The following TENM3 variants were observed in gnomAD, a reference collection of about 807,000 sequenced individuals.
TENM3 encodes teneurin transmembrane protein 3, also known as teneurin-3.
TENM3 carries 63 observed loss-of-function variants against 255.1 expected under a neutral mutation model. The ratio of observed to expected loss-of-function variants is 0.25; its 90% CI spans 0.20 to 0.30. The LOEUF (loss-of-function observed/expected upper bound fraction) is 0.30, where lower values mean the gene tolerates loss of function less well. TENM3 is among the 10% of genes least tolerant of loss of function. TENM3 has a pLI of 1.00. For missense variants in TENM3, 2,929 were observed against 3,461.1 expected (o/e 0.85, Z 3.86); for synonymous variants, 1,306 against 1,322.3 (o/e 0.99, Z 0.27).
chr4:182,292,169 T>C (rs1351180716), intron 1 of TENM3, among the ~76,000 whole-genome samples: 3 of 152,180 alleles, frequency 2.0e-5, no homozygotes, highest in Admixed American at 1.3e-4. Context: ...AATATGATGC[T>C]ATAAAGATTT....
At chr4:182,246,357 G>A (rs1481387519) in intron 1 of TENM3, among the ~76,000 whole-genome samples, 3 of 50,568 alleles carry the variant, frequency 5.9e-5, no homozygotes, top group East Asian at 7.1e-4. Flanking sequence ...CCCCACCCCC[G>A]CCCCTCAGGA....
chr4:182,736,587 A>G (rs998785039), intron 16 of TENM3, among the ~76,000 whole-genome samples: 1 of 152,204 alleles, frequency 6.6e-6, no homozygotes, highest in East Asian at 1.9e-4. Flanking sequence ...ATTATTGAAT[A>G]AGATAACAGC....
At chr4:182,316,133 G>A (rs1762736540) in intron 1 of TENM3, among the ~76,000 whole-genome samples, 1 of 152,034 alleles carries the variant, frequency 6.6e-6, no homozygotes, top group African/African-American at 2.4e-5. Flanking sequence ...TGTCAACCAT[G>A]GTGGATTTTA....
intron 4 of TENM3, among the ~76,000 whole-genome samples, chr4:182,611,236 T>C (rs1398834245): frequency 6.6e-6 from 1 of 152,094 alleles, no homozygotes; most frequent in Non-Finnish European, 1.5e-5. Context: ...CCCAAATATG[T>C]GTATTTATTA....
At chr4:182,271,377 C>G (rs562772129) in intron 1 of TENM3, among the ~76,000 whole-genome samples, 1 of 152,242 alleles carries the variant, frequency 6.6e-6, no homozygotes, top group South Asian at 2.1e-4. Flanking sequence ...GCATAGGAAA[C>G]AAAAGCTCTT....
chr4:182,623,112 G>T (rs545303823), intron 4 of TENM3, among the ~76,000 whole-genome samples: 1 of 149,648 alleles, frequency 6.7e-6, no homozygotes, highest in African/African-American at 2.5e-5. Context: ...CCAGGTTCAC[G>T]CCATTCTCCT....
At chr4:182,107,382 G>C in the TENM3 span, among the ~76,000 whole-genome samples, 1 of 152,176 alleles carries the variant, frequency 6.6e-6, no homozygotes, top group African/African-American at 2.4e-5. Flanking sequence ...GGTGTCACAT[G>C]ACTGCTGGGC....
At chr4:182,261,892 G>A (rs553014313) in intron 1 of TENM3, among the ~76,000 whole-genome samples, 3 of 152,254 alleles carry the variant, frequency 2.0e-5, no homozygotes, top group Non-Finnish European at 2.9e-5. Flanking sequence ...CGTGTAGGCA[G>A]CCTTCCAACA....
the TENM3 span, among the ~76,000 whole-genome samples, chr4:181,501,834 G>A: frequency 1.3e-5 from 2 of 152,128 alleles, no homozygotes; most frequent in Non-Finnish European, 2.9e-5. Context: ...ATTTCAAGTC[G>A]GTGCTATAGA....
intron 3 of TENM3, among the ~76,000 whole-genome samples, chr4:182,371,852 T>C (rs1766841811): frequency 6.6e-6 from 1 of 152,236 alleles, no homozygotes; most frequent in African/African-American, 2.4e-5. Flanking sequence ...AATATCTATT[T>C]GAAGTCCTGA....
chr4:182,276,209 A>T lies in TENM3; in HGVS notation c.-76+32733A>T, dbSNP rs144345989. On this transcript the variant is annotated intron_variant, in intron 1 of 27. Coordinates refer to ENST00000511685, the MANE Select transcript of TENM3 (RefSeq NM_001080477.4). ...AGAAATATCAGTAACATTGGAGCAG[A>T]CACATCATTTTCCACATAAGCACAG... 6.6e-4 allele frequency among the ~76,000 whole-genome samples: 100 copies of T among 152,318 alleles called. 1 individual carries two copies. The Middle Eastern group carries it at 0.027, about 41-fold the overall frequency.
the TENM3 span, among the ~76,000 whole-genome samples, chr4:181,555,008 G>A: frequency 7.9e-5 from 12 of 152,192 alleles, no homozygotes; most frequent in East Asian, 5.8e-4. Context: ...GAATTTAACC[G>A]GTAATAATTT....
At chr4:181,929,372 A>T in the TENM3 span, among the ~76,000 whole-genome samples, 1 of 151,526 alleles carries the variant, frequency 6.6e-6, no homozygotes, top group African/African-American at 2.4e-5. Context: ...AAAAAGGAGG[A>T]GTTGCAATCC....
At chr4:181,551,806 TAA>T in the TENM3 span, among the ~76,000 whole-genome samples, 4 of 45,942 alleles carry the variant, frequency 8.7e-5, no homozygotes, top group East Asian at 1.0e-3. Flanking sequence ...AGGCAGTTAA[TAA>T]TATATATATA....
At chr4:182,356,624 G>C (rs1052270616) in intron 3 of TENM3, among the ~76,000 whole-genome samples, 1 of 152,138 alleles carries the variant, frequency 6.6e-6, no homozygotes, top group Non-Finnish European at 1.5e-5. Flanking sequence ...TCTGACCTCT[G>C]AGAATCAGGA....
At chr4:182,475,001 ATGT>A (rs1215922959) in intron 3 of TENM3, among the ~76,000 whole-genome samples, 1 of 152,168 alleles carries the variant, frequency 6.6e-6, no homozygotes, top group Non-Finnish European at 1.5e-5. Context: ...AAAAGAGTTG[ATGT>A]TAGTCATGCT....
intron 22 of TENM3, 68 bp downstream of exon 22, chr4:182,755,327 A>G: frequency 7.7e-7 from 1 of 1,292,608 alleles, no homozygotes; most frequent in South Asian, 1.6e-5. Flanking sequence ...TATAATAACA[A>G]TATAATCTTA....
intron 3 of TENM3, among the ~76,000 whole-genome samples, chr4:182,523,664 A>G (rs1738815496): frequency 6.6e-6 from 1 of 152,184 alleles, no homozygotes. Context: ...GCTCTGGGCA[A>G]TTTGAAGCTG....
the TENM3 span, among the ~76,000 whole-genome samples, chr4:181,507,131 C>G: frequency 6.6e-6 from 1 of 152,162 alleles, no homozygotes; most frequent in Admixed American, 6.5e-5. Context: ...TCCAGCCTTA[C>G]AGTTTTTCAA....
Sources: allele counts gnomAD v4.1 joint callset (sites outside exome capture counted in the v4.1 genomes callset), GRCh38; gene constraint gnomAD v4.1.1; transcripts MANE v1.5; gene names NCBI Gene and HGNC (gene_info 2026-07-23, HGNC 2026-07-21).